The following GFRAL variants were observed in gnomAD, a reference collection of about 807,000 sequenced individuals.
GFRAL encodes the protein GDNF family receptor alpha-like.
Under a neutral mutation model 45.4 loss-of-function variants are expected in GFRAL, and 36 were observed. The observed-to-expected ratio is 0.79, with a 90% CI of 0.61 to 1.05. GFRAL has a LOEUF of 1.05. Among genes scored for constraint, GFRAL ranks in the 50% least tolerant of loss-of-function variants. The probability of loss-of-function intolerance (pLI) is 0.00; values close to 1 mark genes in which losing one functional copy is unlikely to be tolerated. For missense variants in GFRAL, 507 were observed against 467.5 expected, an observed-to-expected ratio of 1.08 and a Z score of -0.78; for synonymous variants, 166 against 154.1, an observed-to-expected ratio of 1.08 and a Z score of -0.57.
chr6:55,342,388 G>T (rs1427724148), intron 3 of GFRAL, among the ~76,000 whole-genome samples: 1 of 152,098 alleles, frequency 6.6e-6, no homozygotes, highest in Non-Finnish European at 1.5e-5. Flanking sequence ...TTAAAGAAAA[G>T]AATTTTCAAA....
At chr6:55,336,014 C>T (rs1418524172) in intron 3 of GFRAL, among the ~76,000 whole-genome samples, 1 of 152,044 alleles carries the variant, frequency 6.6e-6, no homozygotes, top group Non-Finnish European at 1.5e-5. Flanking sequence ...GCCCAATCTT[C>T]ACTCAGTGCA....
intron 8 of GFRAL, among the ~76,000 whole-genome samples, chr6:55,400,659 C>G (rs1208768885): frequency 2.5e-5 from 2 of 79,684 alleles, no homozygotes; most frequent in African/African-American, 7.3e-5. Flanking sequence ...CTGCTTTTCT[C>G]CAAGGCCTTA....
intron 6 of GFRAL, among the ~76,000 whole-genome samples, chr6:55,384,942 G>A (rs1034774920): frequency 4.6e-5 from 7 of 151,744 alleles, no homozygotes; most frequent in African/African-American, 1.7e-4. Context: ...GGTATACTTG[G>A]GACTATCCTG....
intron 2 of GFRAL, among the ~76,000 whole-genome samples, chr6:55,332,665 G>A (rs1767845355): frequency 6.6e-6 from 1 of 151,992 alleles, no homozygotes; most frequent in Non-Finnish European, 1.5e-5. Context: ...CTCGTGATCT[G>A]CCTGCCTCGG....
At chr6:55,352,068 C>G (rs1033207748) in intron 5 of GFRAL, among the ~76,000 whole-genome samples, 1 of 151,972 alleles carries the variant, frequency 6.6e-6, no homozygotes, top group Non-Finnish European at 1.5e-5. Flanking sequence ...TCAGAGATAA[C>G]CAGGTCCACA....
chr6:55,376,773 C>T (rs9296781), intron 6 of GFRAL, among the ~76,000 whole-genome samples: 90,886 of 151,616 alleles, frequency 0.6, 27,454 homozygotes, highest in East Asian at 0.76. Flanking sequence ...GCTATTTTAT[C>T]TAAAAAAATG....
intron 6 of GFRAL, among the ~76,000 whole-genome samples, chr6:55,384,564 TC>T (rs1227956022): frequency 6.6e-6 from 1 of 152,092 alleles, no homozygotes; most frequent in Non-Finnish European, 1.5e-5. Flanking sequence ...ATTTTCAGCA[TC>T]AAGCACACTG....
chr6:55,395,176 ATAT>A lies in GFRAL; in HGVS notation c.953-4003_953-4001del, dbSNP rs1307598835. 1.6e-3 allele frequency among the ~76,000 whole-genome samples: 144 copies of A among 91,640 alleles called. 1 individual carries two copies. The highest frequency in any genetic ancestry group is 0.013 in the South Asian group (44 of 3,262). The allele number at this position is 91,640 out of a possible 152,430, so 60.1% of individuals were successfully genotyped here. On this transcript the variant is annotated intron_variant, in intron 6 of 8. Coordinates refer to ENST00000340465, the MANE Select transcript of GFRAL (RefSeq NM_207410.2). ...ATCAGCCTATGGAAAAAAAAAAAAA[ATAT>A]ATATATATATATATAAGCCAGCTAG...
intron 3 of GFRAL, among the ~76,000 whole-genome samples, chr6:55,335,895 C>CTTTATTTTAT (rs143794858): frequency 0.14 from 21,267 of 147,528 alleles, 1,662 homozygotes; most frequent in South Asian, 0.27. Context: ...ATTTCTTTGT[C>CTTTATTTTAT]TTTATTTTAT....
chr6:55,350,723 T>C (rs1440353050), intron 4 of GFRAL, among the ~76,000 whole-genome samples: 1 of 152,018 alleles, frequency 6.6e-6, no homozygotes, highest in Admixed American at 6.6e-5. Context: ...TAGATAGTGA[T>C]TACATTTAAT....
chr6:55,391,993 A>G (rs1768760349), intron 6 of GFRAL, among the ~76,000 whole-genome samples: 1 of 152,128 alleles, frequency 6.6e-6, no homozygotes, highest in Admixed American at 6.5e-5. Context: ...GTTGCTTTCT[A>G]GTTAGATTTC....
intron 6 of GFRAL, among the ~76,000 whole-genome samples, chr6:55,362,251 T>A (rs2127358101): frequency 6.6e-6 from 1 of 150,518 alleles, no homozygotes; most frequent in South Asian, 2.1e-4. Context: ...CCCGCTATGT[T>A]CTCCTGTTTG....
intron 6 of GFRAL, among the ~76,000 whole-genome samples, chr6:55,372,804 C>T (rs1768469227): frequency 6.6e-6 from 1 of 152,154 alleles, no homozygotes; most frequent in African/African-American, 2.4e-5. Context: ...GTCTCTGCAA[C>T]AATTTACCCT....
intron 2 of GFRAL, among the ~76,000 whole-genome samples, chr6:55,333,039 A>G (rs2127349862): frequency 6.6e-6 from 1 of 152,260 alleles, no homozygotes; most frequent in Admixed American, 6.5e-5. Context: ...AAGGCAATTT[A>G]AAATATGTTG....
At chr6:55,383,138 T>TA (rs1353172820) in intron 6 of GFRAL, among the ~76,000 whole-genome samples, 1 of 151,942 alleles carries the variant, frequency 6.6e-6, no homozygotes, top group Non-Finnish European at 1.5e-5. Context: ...GGTTTCCAGT[T>TA]AAAATCCAGA....
intron 6 of GFRAL, among the ~76,000 whole-genome samples, chr6:55,398,211 T>A (rs1473531496): frequency 2.0e-5 from 3 of 152,192 alleles, no homozygotes; most frequent in Non-Finnish European, 4.4e-5. Flanking sequence ...TTTCATCGGA[T>A]GTAATATCCC....
At chr6:55,351,887 A>G (rs1460282425) in intron 5 of GFRAL, among the ~76,000 whole-genome samples, 1 of 151,700 alleles carries the variant, frequency 6.6e-6, no homozygotes, top group African/African-American at 2.4e-5. Context: ...GACCTGACTT[A>G]CATATCAGCT....
intron 5 of GFRAL, among the ~76,000 whole-genome samples, chr6:55,354,241 T>TA (rs766756564): frequency 1.3e-5 from 2 of 152,008 alleles, no homozygotes; most frequent in Non-Finnish European, 2.9e-5. Context: ...CACACACTCT[T>TA]ACACTAACCT....
At chr6:55,368,399 A>G (rs1581915660) in intron 6 of GFRAL, among the ~76,000 whole-genome samples, 2 of 151,778 alleles carry the variant, frequency 1.3e-5, no homozygotes, top group Non-Finnish European at 1.5e-5. Flanking sequence ...GTCCTCCCGT[A>G]GCTCAGAGTA....
Sources: gnomAD v4.1 joint callset for allele counts (sites outside exome capture counted in the v4.1 genomes callset) on GRCh38, gnomAD v4.1.1 for gene constraint, MANE v1.5 for transcripts, NCBI Gene and HGNC (gene_info 2026-07-23, HGNC 2026-07-21) for gene names.